The following COL14A1 variants were observed in gnomAD, a reference collection of about 807,000 sequenced individuals.
The protein encoded by COL14A1 is collagen alpha-1(XIV) chain.
A neutral mutation model predicts 230.3 loss-of-function variants in COL14A1; 136 were observed. The ratio of observed to expected loss-of-function variants is 0.59; its 90% CI spans 0.51 to 0.68. The LOEUF is 0.68. Among genes scored for constraint, COL14A1 ranks in the 30% least tolerant of loss-of-function variants. The probability of loss-of-function intolerance (pLI) is 0.00; values close to 1 mark genes in which losing one functional copy is unlikely to be tolerated. For missense variants in COL14A1, 1,976 were observed against 2,215.8 expected (o/e 0.89, Z 2.17); for synonymous variants, 792 against 784.1 (o/e 1.01, Z -0.17).
At chr8:120,198,133 G>A (rs188570325) in intron 7 of COL14A1, among the ~76,000 whole-genome samples, 1 of 152,216 alleles carries the variant, frequency 6.6e-6, no homozygotes, top group African/African-American at 2.4e-5. Context: ...TAATGTCCCA[G>A]GAAGGGCTTG....
intron 23 of COL14A1, among the ~76,000 whole-genome samples, chr8:120,258,372 C>T (rs1342924504): frequency 1.3e-5 from 2 of 152,148 alleles, no homozygotes; most frequent in Non-Finnish European, 2.9e-5. Flanking sequence ...GGAACTGAGT[C>T]ATATTGGCCT....
At position 120,279,956 on chromosome 8, in the gene COL14A1, G is replaced by C; in HGVS notation, c.3503G>C (p.Gly1168Ala). 4 of 1,613,100 alleles carry C rather than the reference G, an allele frequency of 2.5e-6. No individual in the cohort carries two copies. The highest frequency in any genetic ancestry group is 3.4e-6 in the Non-Finnish European group (4 of 1,179,604). ...ACAGGCTATAGCATTTTTGCAATTG[G>C]TGTGGCCGATGCAGATTACTCGGAG... ...QLDGYSIFAI[G>A]VADADYSELV... Residue 1168 changes from glycine (G) to alanine (A), a missense_variant, in exon 29 of 48, where the codon GGT (glycine) becomes GCT (alanine). Coordinates refer to ENST00000297848, the MANE Select transcript of COL14A1 (RefSeq NM_021110.4).
At chr8:120,256,852 TATGATTTATC>T (rs1819169291) in intron 23 of COL14A1, among the ~76,000 whole-genome samples, 4 of 152,228 alleles carry the variant, frequency 2.6e-5, no homozygotes, top group African/African-American at 9.6e-5. Context: ...AGTTCTTTTA[TATGATTTATC>T]CTTTTATATG....
intron 3 of COL14A1, among the ~76,000 whole-genome samples, chr8:120,161,721 G>A (rs1815676478): frequency 6.6e-6 from 1 of 152,068 alleles, no homozygotes; most frequent in African/African-American, 2.4e-5. Flanking sequence ...GGAGTGCAGT[G>A]GCGCAATATC....
At chr8:120,168,348 G>A in intron 5 of COL14A1, 101 bp downstream of exon 5, 2 of 771,100 alleles carry the variant, frequency 2.6e-6, no homozygotes, top group East Asian at 5.1e-5. Context: ...AAGAAGGGCA[G>A]GTCTAATACG....
At chr8:120,335,885 G>A (rs149150006) in intron 42 of COL14A1, among the ~76,000 whole-genome samples, 47 of 152,332 alleles carry the variant, frequency 3.1e-4, no homozygotes, top group African/African-American at 1.1e-3. Flanking sequence ...CAGCCAGGTA[G>A]ACAGGTCCAG....
intron 13 of COL14A1, among the ~76,000 whole-genome samples, chr8:120,215,841 AG>A (rs1817734854): frequency 1.3e-5 from 2 of 152,166 alleles, no homozygotes; most frequent in Admixed American, 1.3e-4. Flanking sequence ...AAGAGGCAAG[AG>A]GGGAAGGCAT....
chr8:120,339,418 G>A (rs1822207924), intron 42 of COL14A1, among the ~76,000 whole-genome samples: 1 of 152,176 alleles, frequency 6.6e-6, no homozygotes, highest in Non-Finnish European at 1.5e-5. Flanking sequence ...TTCTTTCTCT[G>A]TAGAGGTTGG....
chr8:120,247,664 G>A lies in COL14A1; in HGVS notation c.2531G>A (p.Arg844Gln), dbSNP rs755318491. The A allele has an allele frequency of 1.1e-5, 17 of 1,614,120 alleles. No homozygotes were observed. Among genetic ancestry groups the A allele is most frequent in the South Asian group, 7.7e-5 (7 of 91,074 alleles). Residue 844 changes from arginine to glutamine, a missense_variant, in exon 21 of 48, where the codon CGG becomes CAG. Physicochemically the swap from Arg to Gln is conservative, Grantham distance 43 (BLOSUM62 1). Around this residue, in one of 3 missense-constraint regions of COL14A1, gnomAD observed 1,791 missense variants for 2,019.5 expected, o/e 0.89. Transcript: ENST00000297848. ...NLRVSEEWYN[R>Q]LRITWDPPSS... ...CGGGTGTCCGAGGAATGGTATAACC[G>A]GTTGCGCATTACGTGGGACCCCCCA...
chr8:120,315,827 G>A (rs1376272252), intron 39 of COL14A1, 117 bp from the exon 40 acceptor site: 1 of 1,060,326 alleles, frequency 9.4e-7, no homozygotes. Flanking sequence ...AGGTTACAAA[G>A]GGTTCACCAT....
intron 23 of COL14A1, among the ~76,000 whole-genome samples, chr8:120,260,065 C>T (rs1263450808): frequency 2.0e-5 from 3 of 152,020 alleles, no homozygotes; most frequent in Admixed American, 6.6e-5. Context: ...AATATAGGAA[C>T]AAGAAATGAT....
intron 35 of COL14A1, among the ~76,000 whole-genome samples, chr8:120,298,797 C>T (rs79368776): frequency 7.3e-5 from 11 of 150,608 alleles, no homozygotes; most frequent in Admixed American, 1.3e-4. Flanking sequence ...ACCTTATAAC[C>T]GTATTAGTTT....
intron 26 of COL14A1, among the ~76,000 whole-genome samples, chr8:120,276,720 G>T (rs1189088472): frequency 6.6e-6 from 1 of 151,566 alleles, no homozygotes; most frequent in East Asian, 2.0e-4. Flanking sequence ...AGCATTAGGA[G>T]ATATACCTAA....
chr8:120,128,220 T>TGC (rs141192017), intron 1 of COL14A1, among the ~76,000 whole-genome samples: 3,595 of 122,824 alleles, frequency 0.029, 60 homozygotes, highest in South Asian at 0.039. Flanking sequence ...TGTGTGTGTG[T>TGC]GCGCGCGCGT....
intron 4 of COL14A1, among the ~76,000 whole-genome samples, chr8:120,165,871 G>A (rs146881358): frequency 7.0e-4 from 107 of 152,292 alleles, no homozygotes; most frequent in African/African-American, 2.3e-3. Context: ...AGCACATGAA[G>A]TGGGGGCACC....
chr8:120,362,387 C>T (rs1168261501), intron 45 of COL14A1, among the ~76,000 whole-genome samples: 2 of 152,194 alleles, frequency 1.3e-5, no homozygotes, highest in African/African-American at 4.8e-5. Context: ...CTCTCAGGCA[C>T]ATTTTTGGTT....
Position 120,368,423 on chromosome 8 carries a change from C to T in COL14A1, c.5156-907C>T, listed in dbSNP as rs540753964. 2.0e-5 allele frequency among the ~76,000 whole-genome samples: 3 copies of T among 152,110 alleles called. No homozygotes were observed. In the East Asian group the frequency reaches 5.8e-4, roughly 29 times the overall value. On this transcript the variant is annotated intron_variant, in intron 46 of 47. Transcript: ENST00000297848. ...AACTGATATAACATTACACATTACA[C>T]AGAATGGGTGGTTGGTGAGTGCTGA...
At chr8:120,298,979 C>T (rs961451948) in intron 35 of COL14A1, among the ~76,000 whole-genome samples, 3 of 151,578 alleles carry the variant, frequency 2.0e-5, no homozygotes, top group African/African-American at 4.8e-5. Context: ...AAGTGCAGAG[C>T]GAAGGTGGGG....
chr8:120,233,305 C>A (rs1461772498), intron 19 of COL14A1, among the ~76,000 whole-genome samples: 1 of 152,124 alleles, frequency 6.6e-6, no homozygotes, highest in East Asian at 1.9e-4. Flanking sequence ...GCTTTTGTTG[C>A]CATTGCTTTT....
Sources: allele counts gnomAD v4.1 joint callset (sites outside exome capture counted in the v4.1 genomes callset), GRCh38; gene constraint gnomAD v4.1.1; regional missense constraint gnomAD v4.1.1; transcripts MANE v1.5; gene names NCBI Gene and HGNC (gene_info 2026-07-23, HGNC 2026-07-21).